ATP10A: variants seen among roughly 807,000 people sequenced by gnomAD.
The protein encoded by ATP10A is phospholipid-transporting ATPase VA.
In ATP10A, 111 loss-of-function variants were observed where a neutral mutation model predicts 147.8. The observed-to-expected ratio is 0.75, with a 90% confidence interval of 0.64 to 0.88. The LOEUF (loss-of-function observed/expected upper bound fraction) is 0.88. Among genes scored for constraint, ATP10A ranks in the 40% least tolerant of loss-of-function variants. The pLI, the probability that ATP10A is intolerant of heterozygous loss-of-function variation, is 0.00. For synonymous variants in ATP10A, 875 were observed against 841.6 expected (o/e 1.04, Z -0.69); for missense variants, 1,927 against 1,959.0 (o/e 0.98, Z 0.31).
At chr15:25,781,461 C>G (rs112297782) in intron 1 of ATP10A, among the ~76,000 whole-genome samples, 87 of 152,142 alleles carry the variant, frequency 5.7e-4, no homozygotes, top group African/African-American at 2.0e-3. Context: ...TTGAGACCAG[C>G]CTGACCAACA....
At position 25,857,818 on chromosome 15, in the gene ATP10A, G is replaced by A. The variant is rs185492462; in HGVS notation, c.449+4830C>T. Among the ~76,000 whole-genome samples, 6 of 151,960 alleles carry A rather than the reference G, an allele frequency of 3.9e-5. No homozygotes were observed. In the East Asian group the frequency reaches 5.8e-4, roughly 15 times the overall value. ...CAGGGTAGATCTGGGCTCAAATCAC[G>A]GTACTGCCATCTCCTAACAGTGTGA... On this transcript the variant is annotated intron_variant, in intron 1 of 20. Transcript: ENST00000555815.
At chr15:25,792,420 C>T (rs1167429561) in intron 1 of ATP10A, among the ~76,000 whole-genome samples, 4 of 152,210 alleles carry the variant, frequency 2.6e-5, no homozygotes, top group South Asian at 2.1e-4. Flanking sequence ...GTCTGAGGTC[C>T]CATAGCCACC....
At chr15:25,778,557 G>T (rs1459538404) in intron 2 of ATP10A, among the ~76,000 whole-genome samples, 1 of 151,604 alleles carries the variant, frequency 6.6e-6, no homozygotes, top group East Asian at 1.9e-4. Context: ...GTGCATGCAG[G>T]TAAAGAATTT....
At chr15:25,840,598 A>T (rs1892770500) in intron 1 of ATP10A, among the ~76,000 whole-genome samples, 1 of 151,510 alleles carries the variant, frequency 6.6e-6, no homozygotes, top group South Asian at 2.3e-4. Context: ...TTATTATTTA[A>T]AAAAAAATGC....
At chr15:25,844,490 T>C (rs1373560) in intron 1 of ATP10A, among the ~76,000 whole-genome samples, 126,675 of 152,216 alleles carry the variant, frequency 0.83, 55,687 homozygotes, top group South Asian at 0.98. Context: ...ATATTAATTG[T>C]CCAGGTAATC....
At chr15:25,808,055 G>A (rs1457938728) in intron 1 of ATP10A, among the ~76,000 whole-genome samples, 1 of 152,158 alleles carries the variant, frequency 6.6e-6, no homozygotes, top group Non-Finnish European at 1.5e-5. Context: ...ATCACTGGCT[G>A]ATAGAACACA....
intron 13 of ATP10A, among the ~76,000 whole-genome samples, chr15:25,699,342 C>A (rs1433659827): frequency 6.6e-6 from 1 of 152,116 alleles, no homozygotes; most frequent in African/African-American, 2.4e-5. Context: ...ACGCTTTCAA[C>A]CAAAAGAAGA....
At chr15:25,677,872 T>G (rs1217490400), downstream of ATP10A, 1 of 152,362 alleles carries the variant, frequency 6.6e-6, no homozygotes, top group East Asian at 1.9e-4. Context: ...TGAATGGTTC[T>G]GAGGATGTTG....
In ATP10A at chr15:25,725,959, GA is replaced by G; in HGVS notation, c.970del (p.Ser324GlnfsTer40). 6.2e-7 allele frequency: 1 copy of G among 1,613,286 alleles called. No individual in the cohort carries two copies. The highest frequency in any genetic ancestry group is 8.5e-7 in the Non-Finnish European group (1 of 1,179,518). On this transcript the variant is annotated frameshift_variant, in exon 5 of 21. Coordinates refer to ENST00000555815, the MANE Select transcript of ATP10A (RefSeq NM_024490.4). LOFTEE classifies it high-confidence loss of function. ...CCATCTAGGAGACTTACCGACTGCT[GA>G]AAACAGAGACATGCAAACAAGGAGC... is the stretch of plus-strand genomic sequence containing the variant. The part of the protein sequence containing the change: ...VLLLVCMSLF[S>X]AVGHGLWIWR...
chr15:25,861,120 T>G (rs1893740340), intron 1 of ATP10A, among the ~76,000 whole-genome samples: 1 of 151,554 alleles, frequency 6.6e-6, no homozygotes, highest in East Asian at 2.0e-4. Context: ...TCTTGCTGAC[T>G]GGCCAAAGAG....
rs980926954 is a variant in ATP10A, at chr15:25,806,698, G to A, written c.450-25475C>T. Among the ~76,000 whole-genome samples the A allele has an allele frequency of 7.2e-5, 11 of 152,170 alleles. No homozygotes were observed. In the East Asian group the frequency reaches 1.7e-3, roughly 24 times the overall value. On this transcript the variant is annotated intron_variant, in intron 1 of 20. Transcript: ENST00000555815. ...AATGCATCTAACGTACAAAATATGAGTTAATCGACTGTTTATGTGATTGGT... is the reference window on the plus strand; with the variant it reads ...AATGCATCTAACGTACAAAATATGAATTAATCGACTGTTTATGTGATTGGT...
At chr15:25,792,264 T>C (rs8039801) in intron 1 of ATP10A, among the ~76,000 whole-genome samples, 84,955 of 152,116 alleles carry the variant, frequency 0.56, 24,268 homozygotes, top group East Asian at 0.73. Flanking sequence ...GTGCCACCAT[T>C]AGCTTCAGCG....
intron 1 of ATP10A, among the ~76,000 whole-genome samples, chr15:25,810,783 G>A (rs1891395214): frequency 6.6e-6 from 1 of 152,108 alleles, no homozygotes; most frequent in Admixed American, 6.6e-5. Context: ...CCAACACGAG[G>A]AATCGAGGTG....
intron 14 of ATP10A, among the ~76,000 whole-genome samples, chr15:25,693,908 G>A (rs925857574): frequency 6.6e-6 from 1 of 152,214 alleles, no homozygotes; most frequent in African/African-American, 2.4e-5. Flanking sequence ...AACAAGCAGG[G>A]GCTGTCACAG....
intron 13 of ATP10A, among the ~76,000 whole-genome samples, chr15:25,698,255 A>T (rs971805872): frequency 2.0e-5 from 3 of 152,262 alleles, no homozygotes; most frequent in African/African-American, 4.8e-5. Context: ...AGTCTGTACT[A>T]TCCTCACAGT....
At chr15:25,821,079 A>T (rs1891857595) in intron 1 of ATP10A, among the ~76,000 whole-genome samples, 1 of 152,230 alleles carries the variant, frequency 6.6e-6, no homozygotes, top group African/African-American at 2.4e-5. Flanking sequence ...AATTTTTAGA[A>T]AAACTGGCAA....
chr15:25,793,491 C>G (rs1890528510), intron 1 of ATP10A, among the ~76,000 whole-genome samples: 1 of 152,222 alleles, frequency 6.6e-6, no homozygotes, highest in Non-Finnish European at 1.5e-5. Flanking sequence ...TCTAAGTGCT[C>G]ATTGTGCTCC....
chr15:25,736,393 C>A (rs1887282381), intron 2 of ATP10A, among the ~76,000 whole-genome samples: 1 of 152,200 alleles, frequency 6.6e-6, no homozygotes, highest in Non-Finnish European at 1.5e-5. Flanking sequence ...GAAATGACTG[C>A]AGCTCTATTG....
At chr15:25,710,532 G>A (rs971231503) in intron 10 of ATP10A, 1 of 152,184 alleles carries the variant, frequency 6.6e-6, no homozygotes, top group African/African-American at 2.4e-5. Flanking sequence ...GAGGCCCTCA[G>A]AGGGATGAGG....
Sources: allele counts gnomAD v4.1 joint callset (sites outside exome capture counted in the v4.1 genomes callset), GRCh38; gene constraint gnomAD v4.1.1; transcripts MANE v1.5; gene names NCBI Gene and HGNC (gene_info 2026-07-23, HGNC 2026-07-21).